CYP2A6: variants seen among roughly 807,000 people sequenced by gnomAD.
CYP2A6 encodes cytochrome P450 family 2 subfamily A member 6.
CYP2A6 carries 27 observed loss-of-function variants against 42.3 expected under a neutral mutation model. The observed-to-expected ratio is 0.64, with a 90% CI of 0.47 to 0.88. The LOEUF (loss-of-function observed/expected upper bound fraction) is 0.88, where lower values mean the gene tolerates loss of function less well. Among genes scored for constraint, CYP2A6 ranks in the 40% least tolerant of loss-of-function variants. The pLI is 0.00. For missense variants in CYP2A6, 628 were observed against 646.0 expected, an observed-to-expected ratio of 0.97 and a Z score of 0.30; for synonymous variants, 238 against 246.3, an observed-to-expected ratio of 0.97 and a Z score of 0.31.
chr19:40,849,604 G>A (rs1043089169), intron 2 of CYP2A6, among the ~76,000 whole-genome samples: 1 of 151,390 alleles, frequency 6.6e-6, no homozygotes, highest in Non-Finnish European at 1.5e-5. Context: ...TAAGGAGGTG[G>A]GGCAGAGAGA....
intron 2 of CYP2A6, among the ~76,000 whole-genome samples, 179 bp downstream of exon 2, chr19:40,849,639 C>T (rs1415140409): frequency 3.3e-5 from 5 of 151,176 alleles, no homozygotes; most frequent in Non-Finnish European, 5.9e-5. Flanking sequence ...AGGACAGGGA[C>T]GCTGGAGACA....
In CYP2A6 at chr19:40,848,763, C is replaced by T. The variant is rs758479488; in HGVS notation, c.344G>A (p.Gly115Asp). 1.9e-6 allele frequency: 3 copies of T among 1,610,880 alleles called. No homozygotes were observed. Among genetic ancestry groups the T allele is most frequent in the East Asian group, 2.3e-5 (1 of 43,266 alleles). The change falls in exon 3 of 9, where the codon GGC (glycine) becomes GAC (aspartate). Residue 115 changes from glycine (G) to aspartate (D), a missense_variant and splice_region_variant. Around this residue, in one of 2 missense-constraint regions of CYP2A6, gnomAD observed 606 missense variants for 568.1 expected, o/e 1.07. Coordinates refer to ENST00000301141, the MANE Select transcript of CYP2A6 (RefSeq NM_000762.6). ...ATFDWVFKGY[G>D]VVFSNGERAK... ...GCGCTCCCCGTTGCTGAATACCACG[C>T]CTGGGGAGGTGAACGCGGGAATGGA...
chr19:40,847,395 T>C (rs1967119096), intron 4 of CYP2A6, among the ~76,000 whole-genome samples: 1 of 151,386 alleles, frequency 6.6e-6, no homozygotes, highest in African/African-American at 2.4e-5. Context: ...CAGGTGGGGC[T>C]GGTATGAGGT....
rs545654135 is a variant in CYP2A6 at position 40,850,004 on chromosome 19, T to C, written c.181-24A>G. On this transcript the variant is annotated intron_variant, in intron 1 of 8. Coordinates refer to ENST00000301141, the MANE Select transcript of CYP2A6 (RefSeq NM_000762.6). The stretch of plus-strand genomic sequence containing the variant: ...ATCTGATGGAGGTGGGTGGGAGTGG[T>C]TAGAGGGAGAAGCCTCCACTCTGAA... 9.3e-6 allele frequency: 15 copies of C among 1,608,792 alleles called. 1 individual carries two copies. The South Asian group carries it at 1.4e-4, about 15-fold the overall frequency.
intron 7 of CYP2A6, 183 bp downstream of exon 7, chr19:40,845,111 G>T: frequency 2.8e-6 from 2 of 718,700 alleles, no homozygotes; most frequent in South Asian, 3.8e-5. Context: ...AGAGTCTGGA[G>T]AGATGCAGGA....
At position 40,845,972 on chromosome 19, in the gene CYP2A6, C is replaced by T. The variant is rs545581940; in HGVS notation, c.957G>A (p.Lys319=). Residue 319 remains lysine, a synonymous_variant, in exon 6 of 9, where the codon AAG becomes AAA. Coordinates refer to ENST00000301141, the MANE Select transcript of CYP2A6 (RefSeq NM_000762.6). ...CAGCCTTACCCTCCACCTCTGGGTGCTTCATGAGCAGCAAGAAGCCATAGC... is the reference window on the plus strand; with the variant it reads ...CAGCCTTACCCTCCACCTCTGGGTGTTTCATGAGCAGCAAGAAGCCATAGC... ...TLRYGFLLLM[K]HPEVEAKVHE... is the part of the protein sequence containing the mutation. The T allele has an allele frequency of 1.2e-5, 19 of 1,611,196 alleles. 2 individuals carry two copies. The South Asian group carries it at 1.9e-4, about 16-fold the overall frequency.
intron 8 of CYP2A6, 33 bp downstream of exon 8, chr19:40,844,598 G>T (rs1208258127): frequency 1.2e-6 from 2 of 1,610,990 alleles, no homozygotes; most frequent in Admixed American, 1.7e-5. Context: ...GCTGGTGTGA[G>T]CCGTGGCCTG....
chr19:40,847,324 AG>A (rs1967118209), intron 4 of CYP2A6, among the ~76,000 whole-genome samples: 1 of 151,454 alleles, frequency 6.6e-6, no homozygotes, highest in Admixed American at 6.6e-5. Flanking sequence ...GCACACATCT[AG>A]GTGTTCAGAT....
At position 40,846,054 on chromosome 19, in the gene CYP2A6, A is replaced by G; in HGVS notation, c.875T>C (p.Val292Ala). The G allele has an allele frequency of 1.2e-6, 2 of 1,611,488 alleles. No individual in the cohort carries two copies. The highest frequency in any genetic ancestry group is 1.7e-6 in the Non-Finnish European group (2 of 1,179,838). The change falls in exon 6 of 9, where the codon GTG becomes GCG. Residue 292 changes from valine (V) to alanine (A), a missense_variant. By Grantham distance (64) the Val-to-Ala change is moderately conservative. Transcript: ENST00000301141. ...PNTEFYLKNL[V>A]MTTLNLFIGG... ...AATGAAGAGGTTCAACGTGGTCATC[A>G]CCAGGTTTTTCAAGTAGAACTCCGT...
At chr19:40,848,196 C>T (rs201896081) in intron 4 of CYP2A6, 23 bp downstream of exon 4, 8 of 1,609,686 alleles carry the variant, frequency 5.0e-6, no homozygotes, top group Middle Eastern at 1.7e-4. Context: ...AGGGGCGTCA[C>T]GGGCCGGGCT....
intron 7 of CYP2A6, 142 bp from the exon 8 acceptor site, chr19:40,844,914 C>A: frequency 9.2e-7 from 1 of 1,087,518 alleles, no homozygotes; most frequent in Non-Finnish European, 1.3e-6. Flanking sequence ...GATGGAGGAG[C>A]TTTGGGGGAT....
intron 8 of CYP2A6, 94 bp from the exon 9 acceptor site, chr19:40,844,071 G>T: frequency 6.7e-7 from 1 of 1,487,214 alleles, no homozygotes; most frequent in Non-Finnish European, 8.9e-7. Context: ...TCCCAGGGAG[G>T]AAGGGTGGAA....
intron 2 of CYP2A6, 46 bp downstream of exon 2, chr19:40,849,772 C>CATTGCA: frequency 6.2e-7 from 1 of 1,606,638 alleles, no homozygotes; most frequent in Admixed American, 1.7e-5. Context: ...ACACTGAGAC[C>CATTGCA]TTCGTGTCCA....
At chr19:40,850,052 A>G (rs1967192114) in intron 1 of CYP2A6, 72 bp from the exon 2 acceptor site, 2 of 1,577,880 alleles carry the variant, frequency 1.3e-6, no homozygotes, top group East Asian at 2.3e-5. Flanking sequence ...CCGAGATGTC[A>G]TGTGCTGGGA....
intron 3 of CYP2A6, 47 bp downstream of exon 3, chr19:40,848,567 T>C (rs1476528694): frequency 6.2e-7 from 1 of 1,602,184 alleles, no homozygotes; most frequent in Admixed American, 1.7e-5. Flanking sequence ...TTCCTCGTCC[T>C]GGGTGTTTTC....
Position 40,849,987 on chromosome 19 carries a change from G to A in CYP2A6, c.181-7C>T, listed in dbSNP as rs1370189758. 3 of 1,610,412 alleles carry A rather than the reference G, an allele frequency of 1.9e-6. No homozygotes were observed. Among genetic ancestry groups the A allele is most frequent in the Non-Finnish European group, 2.5e-6 (3 of 1,178,988 alleles). ...GGCCATAGCGCTCACTGATCTGATG[G>A]AGGTGGGTGGGAGTGGTTAGAGGGA... On this transcript the variant is annotated splice_polypyrimidine_tract_variant and splice_region_variant and intron_variant, in intron 1 of 8. Coordinates refer to ENST00000301141, the MANE Select transcript of CYP2A6 (RefSeq NM_000762.6).
intron 6 of CYP2A6, 75 bp downstream of exon 6, chr19:40,845,881 G>T: frequency 6.4e-7 from 1 of 1,573,764 alleles, no homozygotes; most frequent in East Asian, 2.3e-5. Flanking sequence ...TCTGGGACAG[G>T]TGGGGACATT....
intron 5 of CYP2A6, 39 bp downstream of exon 5, chr19:40,846,836 C>T: frequency 6.2e-7 from 1 of 1,605,562 alleles, no homozygotes; most frequent in Non-Finnish European, 8.5e-7. Flanking sequence ...TTCCCTCTGC[C>T]TGGCTTTGCA....
rs773801150 is a variant in CYP2A6 at position 40,848,745 on chromosome 19, C to T, written c.362G>A (p.Gly121Glu). 3.1e-6 allele frequency: 5 copies of T among 1,611,426 alleles called. No homozygotes were observed. The highest frequency in any genetic ancestry group is 2.2e-5 in the South Asian group (2 of 90,896). The change falls in exon 3 of 9, where the codon GGG becomes GAG. Residue 121 changes from glycine to glutamate, a missense_variant. Coordinates refer to ENST00000301141, the MANE Select transcript of CYP2A6 (RefSeq NM_000762.6). ...FKGYGVVFSN[G>E]ERAKQLRRFS... is the part of the protein sequence containing the mutation. ...GCGCCGGAGCTGCTTGGCGCGCTCC[C>T]CGTTGCTGAATACCACGCCTGGGGA...
Sources: gnomAD v4.1 joint callset for allele counts (sites outside exome capture counted in the v4.1 genomes callset) on GRCh38, gnomAD v4.1.1 for gene constraint, gnomAD v4.1.1 regional missense constraint, MANE v1.5 for transcripts, NCBI Gene and HGNC (gene_info 2026-07-23, HGNC 2026-07-21) for gene names.